Variants in SEMA3A observed in about 807,000 individuals in gnomAD.
The protein encoded by SEMA3A is semaphorin 3A.
A neutral mutation model predicts 97.9 loss-of-function variants in SEMA3A; 29 were observed. The ratio of observed to expected loss-of-function variants is 0.30; its 90% CI spans 0.22 to 0.40. The LOEUF (loss-of-function observed/expected upper bound fraction) is 0.40. SEMA3A is among the 10% of genes least tolerant of loss of function. The probability of loss-of-function intolerance (pLI) is 1.00; values close to 1 mark genes in which losing one functional copy is unlikely to be tolerated. For synonymous variants in SEMA3A, 321 were observed against 323.7 expected (o/e 0.99, Z 0.09); for missense variants, 763 against 951.3 (o/e 0.80, Z 2.60).
chr7:84,392,981 C>A (rs1370386558), intron 1 of SEMA3A, among the ~76,000 whole-genome samples: 2 of 152,036 alleles, frequency 1.3e-5, no homozygotes, highest in Admixed American at 1.3e-4. Context: ...TATTTTCTAC[C>A]AATCCTTAGG....
intron 3 of SEMA3A, among the ~76,000 whole-genome samples, chr7:84,266,092 G>T (rs1799993314): frequency 6.6e-6 from 1 of 151,998 alleles, no homozygotes; most frequent in African/African-American, 2.4e-5. Context: ...GCCAAGGTGA[G>T]TGGATTACCT....
intron 1 of SEMA3A, among the ~76,000 whole-genome samples, chr7:84,187,887 A>C (rs2116257810): frequency 6.6e-6 from 1 of 152,274 alleles, no homozygotes; most frequent in South Asian, 2.1e-4. Flanking sequence ...TTAGAAACTC[A>C]GAATCTGGCA....
chr7:84,462,944 T>C (rs760157288), intron 1 of SEMA3A, among the ~76,000 whole-genome samples: 40 of 152,254 alleles, frequency 2.6e-4, no homozygotes, highest in Middle Eastern at 3.4e-3. Flanking sequence ...AAGGCCTTGA[T>C]TACTTATATT....
At chr7:84,444,644 C>A (rs989957564) in intron 1 of SEMA3A, among the ~76,000 whole-genome samples, 2 of 151,240 alleles carry the variant, frequency 1.3e-5, no homozygotes, top group African/African-American at 4.9e-5. Context: ...TCACTGCAAG[C>A]TCCCCCTCCC....
At chr7:84,169,875 G>A (rs1256415294) in intron 1 of SEMA3A, among the ~76,000 whole-genome samples, 2 of 151,784 alleles carry the variant, frequency 1.3e-5, no homozygotes, top group Admixed American at 1.3e-4. Flanking sequence ...CTTCAAGGTT[G>A]TTTAGCAGAA....
At chr7:84,185,134 G>A (rs1797839635) in intron 1 of SEMA3A, among the ~76,000 whole-genome samples, 1 of 152,096 alleles carries the variant, frequency 6.6e-6, no homozygotes, top group African/African-American at 2.4e-5. Flanking sequence ...TTGTACTTGA[G>A]TATTGTGGAT....
intron 3 of SEMA3A, among the ~76,000 whole-genome samples, chr7:84,301,091 A>G (rs988449829): frequency 6.6e-6 from 1 of 152,108 alleles, no homozygotes; most frequent in Admixed American, 6.5e-5. Context: ...GAGGGGAGTT[A>G]AATGGATCAA....
At chr7:84,179,111 T>G (rs1797659864) in intron 1 of SEMA3A, among the ~76,000 whole-genome samples, 1 of 152,232 alleles carries the variant, frequency 6.6e-6, no homozygotes, top group Admixed American at 6.5e-5. Flanking sequence ...AAGTGTGTTT[T>G]GACATACTTG....
intron 3 of SEMA3A, among the ~76,000 whole-genome samples, chr7:84,218,597 A>T (rs920043779): frequency 1.3e-5 from 2 of 152,172 alleles, no homozygotes; most frequent in African/African-American, 4.8e-5. Flanking sequence ...TTTGATATTC[A>T]ATTTGAATTT....
At chr7:84,075,161 C>T (rs1041771190) in intron 4 of SEMA3A, among the ~76,000 whole-genome samples, 1 of 151,776 alleles carries the variant, frequency 6.6e-6, no homozygotes, top group Non-Finnish European at 1.5e-5. Flanking sequence ...TTGCCTCTGC[C>T]CTCATTGACT....
intron 4 of SEMA3A, among the ~76,000 whole-genome samples, chr7:84,078,129 T>G (rs1166666177): frequency 6.6e-6 from 1 of 152,070 alleles, no homozygotes; most frequent in Non-Finnish European, 1.5e-5. Context: ...TATAAATGTT[T>G]TTCTCTATTT....
At chr7:84,201,123 C>T (rs1466613841) in intron 3 of SEMA3A, among the ~76,000 whole-genome samples, 1 of 152,058 alleles carries the variant, frequency 6.6e-6, no homozygotes, top group African/African-American at 2.4e-5. Flanking sequence ...TTACATCTGA[C>T]TCACGCAAAG....
At position 83,961,723 on chromosome 7, in the gene SEMA3A, C is replaced by G. The variant is rs1441886875; in HGVS notation, c.1964G>C (p.Gly655Ala). ...TACCTTAAGAAGAGTTTGTATGAAC[C>G]CATGTTCCACCGCATGGCAGAGGTA... is the stretch of plus-strand genomic sequence containing the variant. ...GNYLCHAVEH[G>A]FIQTLLKVTL... The change falls in exon 17 of 17, where the codon GGG becomes GCG. Residue 655 changes from glycine to alanine, a missense_variant. Transcript: ENST00000265362. 1 of 1,613,526 alleles carries G rather than the reference C, an allele frequency of 6.2e-7. No homozygotes were observed. The highest frequency in any genetic ancestry group is 2.2e-5 in the East Asian group (1 of 44,882).
intron 1 of SEMA3A, among the ~76,000 whole-genome samples, chr7:84,484,840 T>C (rs1013119117): frequency 4.6e-5 from 7 of 152,144 alleles, no homozygotes; most frequent in East Asian, 1.9e-4. Flanking sequence ...GATCATAATA[T>C]ATTGAAGTAG....
At chr7:84,251,186 C>T (rs757033457) in intron 3 of SEMA3A, among the ~76,000 whole-genome samples, 15 of 152,228 alleles carry the variant, frequency 9.9e-5, no homozygotes, top group Non-Finnish European at 1.5e-4. Context: ...TTGTTCTATG[C>T]GACTGACTAA....
chr7:84,055,355 G>A (rs1402193670), intron 5 of SEMA3A, among the ~76,000 whole-genome samples: 2 of 152,180 alleles, frequency 1.3e-5, no homozygotes, highest in Admixed American at 6.5e-5. Context: ...CAATCAGCGA[G>A]ACTCCGTGGG....
intron 1 of SEMA3A, among the ~76,000 whole-genome samples, chr7:84,438,236 A>G (rs1442198352): frequency 6.6e-6 from 1 of 152,098 alleles, no homozygotes; most frequent in Non-Finnish European, 1.5e-5. Context: ...TACTGTACTC[A>G]AGAAGTTTAC....
At chr7:84,237,845 T>C (rs890606994) in intron 3 of SEMA3A, among the ~76,000 whole-genome samples, 6 of 152,140 alleles carry the variant, frequency 3.9e-5, no homozygotes, top group Non-Finnish European at 7.4e-5. Context: ...AGAAACATAC[T>C]TCAGGAATGC....
At chr7:84,416,345 A>G (rs774461576) in intron 1 of SEMA3A, among the ~76,000 whole-genome samples, 2 of 152,080 alleles carry the variant, frequency 1.3e-5, no homozygotes, top group Non-Finnish European at 2.9e-5. Flanking sequence ...ACCTTCCGCC[A>G]TGATTCTGAG....
Sources: allele counts gnomAD v4.1 joint callset (sites outside exome capture counted in the v4.1 genomes callset), GRCh38; gene constraint gnomAD v4.1.1; transcripts MANE v1.5; gene names NCBI Gene and HGNC (gene_info 2026-07-23, HGNC 2026-07-21).